Variants in STOX1 observed in about 807,000 individuals in gnomAD.
STOX1 encodes storkhead box 1, also known as storkhead-box protein 1.
In STOX1, 57 loss-of-function variants were observed where a neutral mutation model predicts 74.8. The ratio of observed to expected loss-of-function variants is 0.76; its 90% CI spans 0.62 to 0.95. The LOEUF is 0.95. Among genes scored for constraint, STOX1 ranks in the 40% least tolerant of loss-of-function variants. The probability of loss-of-function intolerance (pLI) is 0.00; values close to 1 mark genes in which losing one functional copy is unlikely to be tolerated. For missense variants in STOX1, 1,010 were observed against 1,117.0 expected (o/e 0.90, Z 1.37); for synonymous variants, 375 against 401.3 (o/e 0.93, Z 0.78).
intron 1 of STOX1, among the ~76,000 whole-genome samples, chr10:68,836,322 C>A (rs985260711): frequency 6.6e-6 from 1 of 152,206 alleles, no homozygotes; most frequent in Admixed American, 6.5e-5. Context: ...TGAGAGCCTT[C>A]AGCCTGTGCC....
intron 1 of STOX1, among the ~76,000 whole-genome samples, chr10:68,866,166 A>G (rs1241224093): frequency 2.0e-5 from 3 of 152,098 alleles, no homozygotes; most frequent in Non-Finnish European, 2.9e-5. Flanking sequence ...CCATAAATTT[A>G]TAGGTTCAGA....
At chr10:68,834,448 A>G (rs576216578) in intron 1 of STOX1, among the ~76,000 whole-genome samples, 10 of 152,266 alleles carry the variant, frequency 6.6e-5, no homozygotes, top group Admixed American at 2.6e-4. Flanking sequence ...GAGTGGTCTG[A>G]TTCCTATTCT....
At chr10:68,882,827 C>A (rs1840843621) in intron 2 of STOX1, among the ~76,000 whole-genome samples, 1 of 152,180 alleles carries the variant, frequency 6.6e-6, no homozygotes, top group South Asian at 2.1e-4. Context: ...ATTCCCTCAA[C>A]ACGTTTCTCT....
At chr10:68,868,173 G>C (rs1840455032) in intron 1 of STOX1, among the ~76,000 whole-genome samples, 1 of 152,198 alleles carries the variant, frequency 6.6e-6, no homozygotes, top group Non-Finnish European at 1.5e-5. Context: ...GGTGCTAGAG[G>C]AATAAAGACA....
At chr10:68,888,625 G>A (rs1363923020) in intron 3 of STOX1, among the ~76,000 whole-genome samples, 2 of 132,974 alleles carry the variant, frequency 1.5e-5, no homozygotes, top group Non-Finnish European at 3.1e-5. Flanking sequence ...ATCTTTGCCA[G>A]TATTTTTTTT....
chr10:68,869,517 C>T (rs1840489000), intron 1 of STOX1, among the ~76,000 whole-genome samples: 1 of 152,056 alleles, frequency 6.6e-6, no homozygotes, highest in Non-Finnish European at 1.5e-5. Context: ...TCTTAAATGA[C>T]AGGATTTTGA....
chr10:68,885,289 A>G lies in STOX1; in HGVS notation c.1493A>G (p.Gln498Arg). 2 of 1,614,224 alleles carry G rather than the reference A, an allele frequency of 1.2e-6. No individual in the cohort carries two copies. Among genetic ancestry groups the G allele is most frequent in the East Asian group, 4.5e-5 (2 of 44,890 alleles). Residue 498 changes from glutamine to arginine, a missense_variant, in exon 3 of 4, where the codon CAG becomes CGG. Gln to Arg is a conservative substitution (Grantham distance 43). Coordinates refer to ENST00000298596, the MANE Select transcript of STOX1 (RefSeq NM_152709.5). The part of the protein sequence containing the change: ...IYKKRISNPF[Q>R]GLSHRGSTIS... ...AAAAAGCGAATCAGTAATCCTTTCCAGGGTTTGTCTCACCGAGGAAGCACA... is the reference window on the plus strand; with the variant it reads ...AAAAAGCGAATCAGTAATCCTTTCCGGGGTTTGTCTCACCGAGGAAGCACA...
downstream of STOX1, chr10:68,895,275 A>AAGTCCATC (rs1372754070): frequency 3.3e-5 from 5 of 152,170 alleles, no homozygotes; most frequent in Non-Finnish European, 5.9e-5. Flanking sequence ...GCAACTAATG[A>AAGTCCATC]AGTCCATCTA....
At chr10:68,840,862 A>G (rs564589792) in intron 1 of STOX1, among the ~76,000 whole-genome samples, 6 of 149,460 alleles carry the variant, frequency 4.0e-5, no homozygotes, top group Admixed American at 4.0e-4. Context: ...TGCCCGGCCA[A>G]CAGTGGTTGT....
At chr10:68,874,013 CTTTTTTT>C (rs1160388935) in intron 1 of STOX1, among the ~76,000 whole-genome samples, 5 of 25,754 alleles carry the variant, frequency 1.9e-4, no homozygotes, top group Non-Finnish European at 1.8e-4. Context: ...GCTAGGTAGC[CTTTTTTT>C]TTTTTTTTTT....
chr10:68,890,224 G>A (rs1841065868), intron 3 of STOX1, among the ~76,000 whole-genome samples: 1 of 151,728 alleles, frequency 6.6e-6, no homozygotes, highest in Non-Finnish European at 1.5e-5. Context: ...AGAGTACAGT[G>A]GTTCAGTCAG....
downstream of STOX1, among the ~76,000 whole-genome samples, chr10:68,893,476 C>T (rs527941767): frequency 5.9e-5 from 9 of 152,234 alleles, 1 homozygote; most frequent in Non-Finnish European, 8.8e-5. Context: ...GGAGTGCAGT[C>T]GCACAATCTC....
At chr10:68,829,120 C>T (rs1202253003) in intron 1 of STOX1, 2 of 369,942 alleles carry the variant, frequency 5.4e-6, no homozygotes, top group Non-Finnish European at 3.7e-6. Context: ...TACCAAGGAA[C>T]CCCTCTGTAT....
intron 1 of STOX1, among the ~76,000 whole-genome samples, chr10:68,854,309 T>G (rs1184925984): frequency 6.6e-6 from 1 of 151,748 alleles, no homozygotes; most frequent in African/African-American, 2.4e-5. Context: ...TTTTGTCTTT[T>G]GAGACAAGGT....
In STOX1 at chr10:68,854,361, G is replaced by A. The variant is rs972533764; in HGVS notation, c.310+26428G>A. On this transcript the variant is annotated intron_variant, in intron 1 of 3. Transcript: ENST00000298596. ...GGCTGGAGTCTATTGGTGCAATCAC[G>A]GCTCACTGCATGCAGCCTTGACCTC... 3.5e-4 allele frequency among the ~76,000 whole-genome samples: 53 copies of A among 151,454 alleles called. 1 individual carries two copies. Among genetic ancestry groups the A allele is most frequent in the African/African-American group, 1.3e-3 (52 of 41,086 alleles).
chr10:68,827,733 T>C lies in STOX1; in HGVS notation c.110T>C (p.Phe37Ser), dbSNP rs1839296854. ...AAEEPGGRAV[F>S]RAFRRANARC... ...GAGGAGCCTGGTGGGCGCGCGGTGT[T>C]CCGCGCTTTCCGTCGCGCCAACGCG... The change falls in exon 1 of 4, where the codon TTC (phenylalanine) becomes TCC (serine). Residue 37 changes from phenylalanine to serine, a missense_variant. By Grantham distance (155) the Phe-to-Ser change is radical (BLOSUM62 -2). Coordinates refer to ENST00000298596, the MANE Select transcript of STOX1 (RefSeq NM_152709.5). The C allele has an allele frequency of 2.4e-6, 2 of 828,650 alleles. No individual in the cohort carries two copies. Among genetic ancestry groups the C allele is most frequent in the South Asian group, 5.7e-5 (1 of 17,568 alleles). The allele number at this position is 828,650 out of a possible 1,614,324, so 51.3% of individuals were successfully genotyped here. A position where few individuals can be genotyped will look rare whatever the true frequency, so the allele number is the denominator to read the frequency against.
chr10:68,886,552 AAC>A lies in STOX1; in HGVS notation c.2760_2761del (p.His920GlnfsTer15). 1 of 1,614,200 alleles carries A rather than the reference AAC, an allele frequency of 6.2e-7. No homozygotes were observed. Among genetic ancestry groups the A allele is most frequent in the Non-Finnish European group, 8.5e-7 (1 of 1,180,012 alleles). Reference sequence around the variant, plus strand: ...GTGTTGGCTCAGGATGTCCAATATGAACACAGTCACTTGGAAGGGACAGAAAA... The same window carrying A: ...GTGTTGGCTCAGGATGTCCAATATGAACAGTCACTTGGAAGGGACAGAAAA... On this transcript the variant is annotated frameshift_variant, in exon 3 of 4. Coordinates refer to ENST00000298596, the MANE Select transcript of STOX1 (RefSeq NM_152709.5). LOFTEE classifies it high-confidence loss of function.
intron 1 of STOX1, among the ~76,000 whole-genome samples, chr10:68,877,065 T>C (rs1840699395): frequency 6.6e-6 from 1 of 152,186 alleles, no homozygotes; most frequent in East Asian, 1.9e-4. Flanking sequence ...ACCTGAAGGA[T>C]GTATCTTAGC....
chr10:68,838,901 C>G (rs546915722), intron 1 of STOX1, among the ~76,000 whole-genome samples: 88 of 142,328 alleles, frequency 6.2e-4, no homozygotes, highest in African/African-American at 2.4e-3. Context: ...CAGAGCGAGA[C>G]TCTGTCTCAA....
Sources: allele counts gnomAD v4.1 joint callset (sites outside exome capture counted in the v4.1 genomes callset), GRCh38; gene constraint gnomAD v4.1.1; transcripts MANE v1.5; gene names NCBI Gene and HGNC (gene_info 2026-07-23, HGNC 2026-07-21).